SHTN1: variants seen among roughly 807,000 people sequenced by gnomAD.
The protein encoded by SHTN1 is shootin-1.
In SHTN1, 42 loss-of-function variants were observed where a neutral mutation model predicts 83.1. The observed-to-expected ratio is 0.51, with a 90% CI of 0.39 to 0.65. SHTN1 has a LOEUF of 0.65. SHTN1 is among the 30% of genes least tolerant of loss of function. The pLI is 0.00. For missense variants in SHTN1, 622 were observed against 737.8 expected (o/e 0.84, Z 1.82); for synonymous variants, 224 against 247.7 (o/e 0.90, Z 0.90).
intron 1 of SHTN1, among the ~76,000 whole-genome samples, chr10:117,054,332 T>C (rs1317620137): frequency 6.6e-6 from 1 of 152,116 alleles, no homozygotes; most frequent in African/African-American, 2.4e-5. Flanking sequence ...AAGTCATGCC[T>C]GTAGGACATC....
chr10:116,895,494 A>G (rs1337474041), intron 16 of SHTN1, among the ~76,000 whole-genome samples: 2 of 152,180 alleles, frequency 1.3e-5, no homozygotes, highest in African/African-American at 4.8e-5. Flanking sequence ...ACTGGGTAAC[A>G]CTTTCCTCCC....
At chr10:116,978,436 T>C (rs768831561) in intron 2 of SHTN1, among the ~76,000 whole-genome samples, 7 of 152,108 alleles carry the variant, frequency 4.6e-5, no homozygotes, top group Non-Finnish European at 1.0e-4. Context: ...TGTTCTGAAA[T>C]ATTTAGCCTA....
intron 4 of SHTN1, among the ~76,000 whole-genome samples, chr10:116,954,453 T>C (rs1589839491): frequency 6.6e-6 from 1 of 152,166 alleles, no homozygotes; most frequent in African/African-American, 2.4e-5. Flanking sequence ...ATGAGAAATA[T>C]AAGGAACTAA....
intron 1 of SHTN1, among the ~76,000 whole-genome samples, chr10:116,999,959 A>G (rs898761525): frequency 2.0e-5 from 3 of 152,160 alleles, no homozygotes; most frequent in African/African-American, 7.2e-5. Flanking sequence ...GGAAATAGTG[A>G]AATTCTGACT....
At chr10:117,089,156 G>A (rs1853392508) in intron 1 of SHTN1, among the ~76,000 whole-genome samples, 3 of 152,154 alleles carry the variant, frequency 2.0e-5, no homozygotes, top group Non-Finnish European at 4.4e-5. Context: ...GGCTGTTGAG[G>A]GTAGGAGAAA....
At chr10:117,024,587 T>C (rs1180360802) in intron 2 of SHTN1, among the ~76,000 whole-genome samples, 5 of 152,036 alleles carry the variant, frequency 3.3e-5, no homozygotes, top group Middle Eastern at 6.8e-3. Flanking sequence ...CTCGATCTCC[T>C]GACCTCGTGA....
rs548208450 is a variant in SHTN1, at chr10:116,996,746, T to G, written c.58+8276A>C. On this transcript the variant is annotated intron_variant, in intron 1 of 16. Coordinates refer to ENST00000355371, the MANE Select transcript of SHTN1 (RefSeq NM_001127211.3). ...ACCACCTCTTGAAATAAAACATGAC[T>G]GTTTACCTAAACTAACCTAGTCTCA... 7.2e-5 allele frequency among the ~76,000 whole-genome samples: 11 copies of G among 152,340 alleles called. No homozygotes were observed. In the East Asian group the frequency reaches 2.1e-3, roughly 29 times the overall value.
intron 2 of SHTN1, among the ~76,000 whole-genome samples, chr10:116,975,002 A>G (rs1042758401): frequency 6.6e-6 from 1 of 152,154 alleles, no homozygotes; most frequent in Non-Finnish European, 1.5e-5. Context: ...ATTTTTCTAT[A>G]CCCCAAAAAT....
chr10:116,962,974 A>G (rs925598344), intron 3 of SHTN1, among the ~76,000 whole-genome samples: 24 of 150,946 alleles, frequency 1.6e-4, no homozygotes, highest in African/African-American at 5.6e-4. Flanking sequence ...GTCAAGTCAC[A>G]TGACGCAAAA....
chr10:117,060,799 TACAGA>T (rs1852888037), intron 1 of SHTN1, among the ~76,000 whole-genome samples: 1 of 152,210 alleles, frequency 6.6e-6, no homozygotes, highest in Non-Finnish European at 1.5e-5. Context: ...GAATTAATGT[TACAGA>T]AAACTTGTGG....
Position 116,953,551 on chromosome 10 carries a change from T to C in SHTN1, c.436+491A>G, listed in dbSNP as rs544346170. 5.9e-5 allele frequency among the ~76,000 whole-genome samples: 9 copies of C among 152,014 alleles called. No individual in the cohort carries two copies. The East Asian group carries it at 1.7e-3, about 30-fold the overall frequency. On this transcript the variant is annotated intron_variant, in intron 5 of 16. Coordinates refer to ENST00000355371, the MANE Select transcript of SHTN1 (RefSeq NM_001127211.3). ...TGCCTAGGTCCTACCCCATCCAAAA[T>C]TCTGATTTAATTGGCCTATGGTGTA... is the stretch of plus-strand genomic sequence containing the variant.
At chr10:117,056,770 C>A (rs1264520128) in intron 1 of SHTN1, among the ~76,000 whole-genome samples, 1 of 152,154 alleles carries the variant, frequency 6.6e-6, no homozygotes, top group Non-Finnish European at 1.5e-5. Context: ...GAGATGGTGC[C>A]ACTGCACTCC....
intron 1 of SHTN1, among the ~76,000 whole-genome samples, chr10:117,086,452 G>A (rs1442995665): frequency 6.6e-6 from 1 of 152,124 alleles, no homozygotes; most frequent in Non-Finnish European, 1.5e-5. Context: ...AATTAATTAT[G>A]AATATAGTTG....
intron 11 of SHTN1, among the ~76,000 whole-genome samples, chr10:116,923,701 A>ACAC (rs1480777791): frequency 6.6e-6 from 1 of 151,980 alleles, no homozygotes; most frequent in Non-Finnish European, 1.5e-5. Context: ...GACTACAGGT[A>ACAC]CACCACCACT....
intron 1 of SHTN1, among the ~76,000 whole-genome samples, chr10:117,003,687 G>A (rs1287199741): frequency 1.3e-5 from 2 of 151,910 alleles, no homozygotes; most frequent in Non-Finnish European, 2.9e-5. Flanking sequence ...TCCACGGAAG[G>A]AAAGAGACTC....
chr10:116,940,471 G>C lies in SHTN1; in HGVS notation c.853C>G (p.Gln285Glu). 1 of 1,613,660 alleles carries C rather than the reference G, an allele frequency of 6.2e-7. No homozygotes were observed. The highest frequency in any genetic ancestry group is 1.3e-5 in the African/African-American group (1 of 75,016). The part of the protein sequence containing the change: ...QLEEERIQHQ[Q>E]KVKELEEQLE... ...TCCAGAAGAAAATGGGTTACCTTTT[G>C]TTGATGCTGAATTCTCTCTTCTTCA... Residue 285 changes from glutamine to glutamate, a missense_variant, in exon 9 of 17, where the codon CAA becomes GAA. Gln to Glu is a conservative substitution (Grantham distance 29, BLOSUM62 2). Around this residue, in one of 3 missense-constraint regions of SHTN1, gnomAD observed 383 missense variants for 455.8 expected, o/e 0.84. Transcript: ENST00000355371.
chr10:116,882,092 G>A lies in SHTN1; in HGVS notation c.*4252C>T, dbSNP rs1159549722. On this transcript the variant is annotated 3_prime_UTR_variant, in exon 17 of 17. Coordinates refer to ENST00000355371, the MANE Select transcript of SHTN1 (RefSeq NM_001127211.3). ...TCTTCTGTGTTTATTCTACATGTCTGTGCTGAAAAGCACTGACACATTTTT... is the reference window on the plus strand; with the variant it reads ...TCTTCTGTGTTTATTCTACATGTCTATGCTGAAAAGCACTGACACATTTTT... The A allele has an allele frequency of 6.5e-6, 1 of 153,990 alleles. No individual in the cohort carries two copies. The highest frequency in any genetic ancestry group is 1.4e-5 in the Non-Finnish European group (1 of 69,384). 9.5% of individuals were successfully genotyped at this position (153,990 alleles called of 1,614,324 possible). A position where few individuals can be genotyped will look rare whatever the true frequency, so the allele number is the denominator to read the frequency against.
At chr10:116,993,017 CTTTTTTTTTT>C (rs35364697) in intron 1 of SHTN1, among the ~76,000 whole-genome samples, 2 of 121,226 alleles carry the variant, frequency 1.6e-5, no homozygotes, top group African/African-American at 6.3e-5. Context: ...TCTTTTTTTT[CTTTTTTTTTT>C]TTTTTTGAGA....
intron 16 of SHTN1, chr10:116,901,377 T>C (rs1439843161): frequency 1.0e-6 from 1 of 985,308 alleles, no homozygotes; most frequent in East Asian, 1.1e-4. Flanking sequence ...AACGTGCCCT[T>C]CTAAGTAGTC....
Sources: gnomAD v4.1 joint callset for allele counts (sites outside exome capture counted in the v4.1 genomes callset) on GRCh38, gnomAD v4.1.1 for gene constraint, gnomAD v4.1.1 regional missense constraint, MANE v1.5 for transcripts, NCBI Gene and HGNC (gene_info 2026-07-23, HGNC 2026-07-21) for gene names.